RTN1: variants seen among roughly 807,000 people sequenced by gnomAD.
The protein encoded by RTN1 is reticulon-1.
A neutral mutation model predicts 65.5 loss-of-function variants in RTN1; 25 were observed. That is an observed-to-expected ratio of 0.38 (90% CI 0.28 to 0.53). The LOEUF (loss-of-function observed/expected upper bound fraction) is 0.53. RTN1 is among the 20% of genes least tolerant of loss of function. The probability of loss-of-function intolerance (pLI) is 0.79; values close to 1 mark genes in which losing one functional copy is unlikely to be tolerated. For synonymous variants in RTN1, 471 were observed against 447.6 expected (o/e 1.05, Z -0.66); for missense variants, 983 against 1,025.4 (o/e 0.96, Z 0.57).
At chr14:59,833,008 T>C (rs1887152908) in intron 1 of RTN1, among the ~76,000 whole-genome samples, 1 of 152,224 alleles carries the variant, frequency 6.6e-6, no homozygotes, top group African/African-American at 2.4e-5. Flanking sequence ...TATTTATGAA[T>C]TCCCAGAGGC....
At chr14:59,853,365 T>C (rs1024481795) in intron 1 of RTN1, among the ~76,000 whole-genome samples, 4 of 152,232 alleles carry the variant, frequency 2.6e-5, no homozygotes, top group Admixed American at 2.0e-4. Flanking sequence ...ATTCTCTCCC[T>C]GTAACTTCTG....
chr14:59,860,495 G>T (rs1233975874), intron 1 of RTN1, among the ~76,000 whole-genome samples: 1 of 152,198 alleles, frequency 6.6e-6, no homozygotes, highest in Non-Finnish European at 1.5e-5. Flanking sequence ...AGAAATGTAG[G>T]GTCAGAGCCC....
chr14:59,729,545 G>C (rs915014628), intron 2 of RTN1, among the ~76,000 whole-genome samples: 1 of 152,184 alleles, frequency 6.6e-6, no homozygotes, highest in East Asian at 1.9e-4. Context: ...CAGCGGAAAA[G>C]TGTGAAAGTT....
intron 1 of RTN1, among the ~76,000 whole-genome samples, chr14:59,841,164 A>G (rs1211540292): frequency 6.6e-6 from 1 of 152,212 alleles, no homozygotes; most frequent in African/African-American, 2.4e-5. Flanking sequence ...TAAGGATGTT[A>G]GCCATGCAAC....
At chr14:59,769,362 G>A (rs1009742050) in intron 1 of RTN1, among the ~76,000 whole-genome samples, 3 of 152,008 alleles carry the variant, frequency 2.0e-5, no homozygotes, top group African/African-American at 7.3e-5. Context: ...GCATTTCTGA[G>A]GCTTAAAGTG....
intron 3 of RTN1, among the ~76,000 whole-genome samples, chr14:59,683,959 T>A (rs1354021030): frequency 6.6e-6 from 1 of 152,060 alleles, no homozygotes. Flanking sequence ...GTTAGTGCCT[T>A]AAAAGTAGTA....
intron 3 of RTN1, among the ~76,000 whole-genome samples, chr14:59,608,894 T>TC (rs1881851813): frequency 1.3e-5 from 2 of 151,992 alleles, no homozygotes; most frequent in Non-Finnish European, 2.9e-5. Context: ...CAAATAGGTT[T>TC]CCAGAGGCAA....
intron 1 of RTN1, among the ~76,000 whole-genome samples, chr14:59,756,648 C>T (rs150057526): frequency 1.3e-3 from 196 of 152,230 alleles, no homozygotes; most frequent in African/African-American, 4.5e-3. Flanking sequence ...TAGAATTTTG[C>T]TCTCTGATTT....
intron 1 of RTN1, among the ~76,000 whole-genome samples, chr14:59,768,796 G>A (rs924582071): frequency 3.3e-5 from 5 of 152,100 alleles, no homozygotes; most frequent in Admixed American, 3.3e-4. Flanking sequence ...TATATGCTAA[G>A]CACTCTGCTA....
intron 1 of RTN1, among the ~76,000 whole-genome samples, chr14:59,813,439 T>C (rs988633606): frequency 6.6e-6 from 1 of 152,246 alleles, no homozygotes; most frequent in Non-Finnish European, 1.5e-5. Flanking sequence ...TTTTGTATTA[T>C]TGATGGATGG....
intron 1 of RTN1, among the ~76,000 whole-genome samples, chr14:59,832,026 A>C (rs1165971618): frequency 1.3e-5 from 2 of 152,088 alleles, no homozygotes; most frequent in Non-Finnish European, 2.9e-5. Context: ...AACAAATTAT[A>C]ATCTGAATTT....
Position 59,792,007 on chromosome 14 carries a change from C to T in RTN1, c.242-45526G>A, listed in dbSNP as rs78991524. ...TTGTCTACTCACACTCTCCTGCCCC[C>T]TCCCCTGCCTCAGTAGAGCAGAATG... On this transcript the variant is annotated intron_variant, in intron 1 of 8. Transcript: ENST00000267484. Among the ~76,000 whole-genome samples, 439 of 152,218 alleles carry T rather than the reference C, an allele frequency of 2.9e-3. 12 individuals are homozygous for T. In the East Asian group the frequency reaches 0.05, roughly 17 times the overall value.
chr14:59,837,048 A>T (rs201451270), intron 1 of RTN1, among the ~76,000 whole-genome samples: 31 of 127,896 alleles, frequency 2.4e-4, no homozygotes, highest in African/African-American at 8.5e-4. Context: ...TATATATAAA[A>T]GGAGAAATAG....
intron 3 of RTN1, among the ~76,000 whole-genome samples, chr14:59,680,360 T>C (rs1426508884): frequency 6.6e-6 from 1 of 152,172 alleles, no homozygotes; most frequent in African/African-American, 2.4e-5. Context: ...ATGCAAAATA[T>C]AGGGAAGTGT....
intron 1 of RTN1, among the ~76,000 whole-genome samples, chr14:59,804,546 T>C (rs1338510483): frequency 1.3e-5 from 2 of 152,182 alleles, no homozygotes; most frequent in East Asian, 3.9e-4. Context: ...TTAAATAGAA[T>C]TATAGAATAC....
At chr14:59,771,402 G>A (rs907438346) in intron 1 of RTN1, among the ~76,000 whole-genome samples, 7 of 152,208 alleles carry the variant, frequency 4.6e-5, no homozygotes, top group Admixed American at 2.0e-4. Flanking sequence ...TTTTTAAGGT[G>A]TCAACTTGGC....
chr14:59,649,420 A>G lies in RTN1; in HGVS notation c.1766-41928T>C, dbSNP rs112062011. Among the ~76,000 whole-genome samples the G allele has an allele frequency of 5.2e-3, 798 of 152,324 alleles. 8 individuals carry two copies. Among genetic ancestry groups the G allele is most frequent in the African/African-American group, 0.016 (685 of 41,576 alleles). On this transcript the variant is annotated intron_variant, in intron 3 of 8. Transcript: ENST00000267484. ...AAAATTGACAATTGGGATCTAATTA[A>G]ACTGAAGGGCTTCTTCACAGCAAAA...
chr14:59,605,487 T>A lies in RTN1; in HGVS notation c.1993A>T (p.Ile665Phe). The A allele has an allele frequency of 6.2e-7, 1 of 1,614,064 alleles. No homozygotes were observed. Among genetic ancestry groups the A allele is most frequent in the Middle Eastern group, 1.6e-4 (1 of 6,062 alleles). ...TGAATCTGCTCCTGAGAAAGGGTGA[T>A]CTCAAGCTCCAAGTAGGCCCTGTCA... ...HPFKAYLELE[I>F]TLSQEQIQKY... Residue 665 changes from isoleucine to phenylalanine, a missense_variant, in exon 5 of 9, where the codon ATC becomes TTC. Physicochemically the swap from Ile to Phe is conservative, Grantham distance 21. This residue lies in a region of RTN1 where 165 missense variants were observed against 223.6 expected (regional missense o/e 0.74). Coordinates refer to ENST00000267484, the MANE Select transcript of RTN1 (RefSeq NM_021136.3).
intron 1 of RTN1, among the ~76,000 whole-genome samples, chr14:59,837,867 G>A (rs186405707): frequency 4.1e-4 from 63 of 151,986 alleles, no homozygotes; most frequent in Non-Finnish European, 4.3e-4. Flanking sequence ...AATGATCACC[G>A]GAGTCTTCAG....
Sources: gnomAD v4.1 joint callset for allele counts (sites outside exome capture counted in the v4.1 genomes callset) on GRCh38, gnomAD v4.1.1 for gene constraint, gnomAD v4.1.1 regional missense constraint, MANE v1.5 for transcripts, NCBI Gene and HGNC (gene_info 2026-07-23, HGNC 2026-07-21) for gene names.